Variants in ACKR4 observed in about 807,000 individuals in gnomAD.
The protein encoded by ACKR4 is atypical chemokine receptor 4.
ACKR4 carries 2 observed loss-of-function variants against 8.5 expected under a neutral mutation model. The ratio of observed to expected loss-of-function variants is 0.23; its 90% CI spans 0.10 to 0.74. The LOEUF is 0.74. Ranked by LOEUF, ACKR4 falls within the 30% of genes least tolerant of loss-of-function variation. The pLI is 0.75. For synonymous variants in ACKR4, 67 were observed against 145.0 expected, an observed-to-expected ratio of 0.46 and a Z score of 3.86; for missense variants, 167 against 422.1, an observed-to-expected ratio of 0.40 and a Z score of 5.30.
chr3:132,597,963 C>T (rs1938390683), intron 1 of ACKR4, among the ~76,000 whole-genome samples: 3 of 152,102 alleles, frequency 2.0e-5, no homozygotes, highest in South Asian at 2.1e-4. Context: ...AGTTGGCACC[C>T]GGTTTTTACA....
At chr3:132,599,181 C>T (rs1400510757) in intron 1 of ACKR4, among the ~76,000 whole-genome samples, 1 of 151,782 alleles carries the variant, frequency 6.6e-6, no homozygotes, top group Non-Finnish European at 1.5e-5. Flanking sequence ...AGACTCATAA[C>T]CTGGTCAATA....
chr3:132,598,543 T>C (rs1938415973), intron 1 of ACKR4, among the ~76,000 whole-genome samples: 1 of 152,222 alleles, frequency 6.6e-6, no homozygotes, highest in Admixed American at 6.5e-5. Context: ...ACGCATCCTT[T>C]CCACAGAATG....
intron 1 of ACKR4, among the ~76,000 whole-genome samples, chr3:132,598,158 G>A (rs946828310): frequency 1.3e-5 from 2 of 151,866 alleles, no homozygotes; most frequent in African/African-American, 4.8e-5. Flanking sequence ...TACTTCAGAG[G>A]ACAAAAAGAA....
chr3:132,600,846 T>A lies in ACKR4; in HGVS notation c.449T>A (p.Val150Glu), dbSNP rs138269944. 2,001 of 1,613,392 alleles carry A rather than the reference T, an allele frequency of 1.2e-3. No homozygotes were observed. The highest frequency in any genetic ancestry group is 0.011 in the Middle Eastern group (68 of 6,036). The change falls in exon 2 of 2, where the codon GTG (valine) becomes GAG (glutamate). Residue 150 changes from valine (V) to glutamate (E), a missense_variant. Transcript: ENST00000249887. ...AVTKVPSQSGVGKPCWIICFC... is the reference protein window; with the variant it reads ...AVTKVPSQSGEGKPCWIICFC... ...ACTAAAGTCCCCAGCCAATCAGGAG[T>A]GGGAAAACCATGCTGGATCATCTGT... is the stretch of plus-strand genomic sequence containing the variant.
rs368529492 is a variant in ACKR4 at position 132,601,238 on chromosome 3, A to G, written c.841A>G (p.Met281Val). 348 of 1,613,736 alleles carry G rather than the reference A, an allele frequency of 2.2e-4. No homozygotes were observed. The highest frequency in any genetic ancestry group is 2.8e-4 in the Non-Finnish European group (332 of 1,179,762). Residue 281 changes from methionine to valine, a missense_variant, in exon 2 of 2, where the codon ATG becomes GTG. Physicochemically the swap from Met to Val is conservative, Grantham distance 21. This residue lies in a region of ACKR4 where 18 missense variants were observed against 140.2 expected (regional missense o/e 0.13). Coordinates refer to ENST00000249887, the MANE Select transcript of ACKR4 (RefSeq NM_016557.4). ...CACCAGCTGCAACATGAGCAAACGCATGGACATCGCCATCCAAGTCACAGA... is the reference window on the plus strand; with the variant it reads ...CACCAGCTGCAACATGAGCAAACGCGTGGACATCGCCATCCAAGTCACAGA... ...LITSCNMSKR[M>V]DIAIQVTESI...
intron 1 of ACKR4, among the ~76,000 whole-genome samples, chr3:132,599,747 G>A (rs1403220429): frequency 6.6e-6 from 1 of 152,000 alleles, no homozygotes; most frequent in Non-Finnish European, 1.5e-5. Flanking sequence ...AGATAGTGGT[G>A]CTACTAAAAA....
chr3:132,600,482 C>A lies in ACKR4; in HGVS notation c.85C>A (p.Leu29Met). 1 of 1,610,848 alleles carries A rather than the reference C, an allele frequency of 6.2e-7. No homozygotes were observed. Among genetic ancestry groups the A allele is most frequent in the Non-Finnish European group, 8.5e-7 (1 of 1,178,174 alleles). ...NGTYDYSQYE[L>M]ICIKEDVREF... is the part of the protein sequence containing the mutation. Reference sequence around the variant, plus strand: ...CACTTATGACTACAGTCAATATGAACTGATCTGTATCAAAGAAGATGTCAG... The same window carrying A: ...CACTTATGACTACAGTCAATATGAAATGATCTGTATCAAAGAAGATGTCAG... The change falls in exon 2 of 2, where the codon CTG (leucine) becomes ATG (methionine). Residue 29 changes from leucine (L) to methionine (M), a missense_variant. Transcript: ENST00000249887.
Position 132,600,796 on chromosome 3 carries a change from C to G in ACKR4, c.399C>G (p.Ile133Met), listed in dbSNP as rs1243344400. The G allele has an allele frequency of 3.7e-6, 6 of 1,613,918 alleles. No individual in the cohort carries two copies. The highest frequency in any genetic ancestry group is 1.7e-5 in the Admixed American group (1 of 60,004). Residue 133 changes from isoleucine to methionine, a missense_variant, in exon 2 of 2, where the codon ATC becomes ATG. Physicochemically the swap from Ile to Met is conservative, Grantham distance 10. Around this residue, in one of 2 missense-constraint regions of ACKR4, gnomAD observed 149 missense variants for 281.9 expected, o/e 0.53. Coordinates refer to ENST00000249887, the MANE Select transcript of ACKR4 (RefSeq NM_016557.4). ...FVSGMQFLAC[I>M]SIDRYVAVTK... ...CTGGAATGCAGTTTCTGGCTTGTAT[C>G]AGCATAGACAGATATGTGGCAGTAA...
chr3:132,601,051 G>T lies in ACKR4; in HGVS notation c.654G>T (p.Val218=), dbSNP rs765570716. 5 of 1,613,838 alleles carry T rather than the reference G, an allele frequency of 3.1e-6. No homozygotes were observed. In the African/African-American group the frequency reaches 6.7e-5, roughly 22 times the overall value. ...GFVVPFLIMG[V]CYFITARTLM... ...TAGTACCCTTTCTTATTATGGGGGT[G>T]TGCTACTTTATCACAGCAAGGACAC... Residue 218 remains valine, a synonymous_variant, in exon 2 of 2, where the codon GTG becomes GTT. Transcript: ENST00000249887.
At position 132,601,032 on chromosome 3, in the gene ACKR4, C is replaced by G; in HGVS notation, c.635C>G (p.Pro212Arg). The change falls in exon 2 of 2, where the codon CCC (proline) becomes CGC (arginine). Residue 212 changes from proline (P) to arginine (R), a missense_variant. By Grantham distance (103) the Pro-to-Arg change is moderately radical (BLOSUM62 -2). Transcript: ENST00000249887. ...GAGATCTGCATTGGATTTGTAGTAC[C>G]CTTTCTTATTATGGGGGTGTGCTAC... ...MLEICIGFVVPFLIMGVCYFI... is the reference protein window; with the variant it reads ...MLEICIGFVVRFLIMGVCYFI... The G allele has an allele frequency of 6.2e-7, 1 of 1,613,792 alleles. No individual in the cohort carries two copies. The highest frequency in any genetic ancestry group is 8.5e-7 in the Non-Finnish European group (1 of 1,179,824).
rs113132603 is a variant in ACKR4 at position 132,601,681 on chromosome 3, C to T, written c.*231C>T. 10,517 of 482,576 alleles carry T rather than the reference C, an allele frequency of 0.022. 144 individuals carry two copies. Among genetic ancestry groups the T allele is most frequent in the South Asian group, 0.067 (3,121 of 46,820 alleles). The allele number at this position is 482,576 out of a possible 1,614,324, so 29.9% of individuals were successfully genotyped here. On this transcript the variant is annotated 3_prime_UTR_variant, in exon 2 of 2. Transcript: ENST00000249887. ...AATATAGGAAAATAATTGTAACAGGCATAAGTGAATAACACTCTGCTGTAA... is the reference window on the plus strand; with the variant it reads ...AATATAGGAAAATAATTGTAACAGGTATAAGTGAATAACACTCTGCTGTAA...
intron 1 of ACKR4, among the ~76,000 whole-genome samples, chr3:132,598,535 G>A (rs139939313): frequency 1.4e-4 from 22 of 152,324 alleles, no homozygotes; most frequent in African/African-American, 2.6e-4. Flanking sequence ...TATGGGAAAC[G>A]CATCCTTTCC....
Position 132,600,487 on chromosome 3 carries a change from C to T in ACKR4, c.90C>T (p.Ile30=). The T allele has an allele frequency of 1.2e-6, 2 of 1,613,808 alleles. No homozygotes were observed. The highest frequency in any genetic ancestry group is 2.2e-5 in the South Asian group (2 of 91,050). The part of the protein sequence containing the change: ...GTYDYSQYEL[I]CIKEDVREFA... ...ATGACTACAGTCAATATGAACTGAT[C>T]TGTATCAAAGAAGATGTCAGAGAAT... Residue 30 remains isoleucine, a synonymous_variant, in exon 2 of 2, where the codon ATC becomes ATT. Coordinates refer to ENST00000249887, the MANE Select transcript of ACKR4 (RefSeq NM_016557.4).
rs953657054 is a variant in ACKR4, at chr3:132,601,708, G to A, written c.*258G>A. On this transcript the variant is annotated 3_prime_UTR_variant, in exon 2 of 2. Transcript: ENST00000249887. ...TAAGTGAATAACACTCTGCTGTAAC[G>A]AAGAAGAGCTTTGTGGTGATAATTT... 10 of 452,280 alleles carry A rather than the reference G, an allele frequency of 2.2e-5. No individual in the cohort carries two copies. The highest frequency in any genetic ancestry group is 3.4e-5 in the Non-Finnish European group (8 of 235,288). The allele number at this position is 452,280 out of a possible 1,614,324, so 28.0% of individuals were successfully genotyped here.
chr3:132,598,211 C>A (rs1938401107), intron 1 of ACKR4, among the ~76,000 whole-genome samples: 2 of 152,108 alleles, frequency 1.3e-5, no homozygotes, highest in Admixed American at 1.3e-4. Flanking sequence ...AAACAAAATT[C>A]AGCACTATAA....
intron 1 of ACKR4, among the ~76,000 whole-genome samples, chr3:132,599,994 C>T: frequency 6.6e-6 from 1 of 152,028 alleles, no homozygotes; most frequent in Non-Finnish European, 1.5e-5. Context: ...TTACGATTCA[C>T]AAAATTATGT....
chr3:132,597,895 A>C (rs1938385764), intron 1 of ACKR4, among the ~76,000 whole-genome samples: 1 of 152,224 alleles, frequency 6.6e-6, no homozygotes, highest in East Asian at 1.9e-4. Context: ...AGACCAGAGT[A>C]GTCTTCCAGA....
At chr3:132,599,907 A>T (rs1045794898) in intron 1 of ACKR4, among the ~76,000 whole-genome samples, 23 of 152,292 alleles carry the variant, frequency 1.5e-4, no homozygotes, top group African/African-American at 5.1e-4. Context: ...TAACATCAAA[A>T]TAAAAAATAA....
chr3:132,600,316 C>T, intron 1 of ACKR4, 73 bp from the exon 2 acceptor site: 1 of 1,295,490 alleles, frequency 7.7e-7, no homozygotes, highest in Admixed American at 2.8e-5. Context: ...AAGAACAAAA[C>T]AGCTTGATAA....
Sources: allele counts gnomAD v4.1 joint callset (sites outside exome capture counted in the v4.1 genomes callset), GRCh38; gene constraint gnomAD v4.1.1; regional missense constraint gnomAD v4.1.1; transcripts MANE v1.5; gene names NCBI Gene and HGNC (gene_info 2026-07-23, HGNC 2026-07-21).